The following TRAF3IP1 variants were observed in gnomAD, a reference collection of about 807,000 sequenced individuals.
TRAF3IP1 encodes the protein intraflagellar transport 54.
A neutral mutation model predicts 89.9 loss-of-function variants in TRAF3IP1; 53 were observed. That is an observed-to-expected ratio of 0.59 (90% CI 0.47 to 0.74). The LOEUF (loss-of-function observed/expected upper bound fraction) is 0.74, where lower values mean the gene tolerates loss of function less well. TRAF3IP1 is among the 30% of genes least tolerant of loss of function. The pLI is 0.00. For missense variants in TRAF3IP1, 806 were observed against 866.1 expected (o/e 0.93, Z 0.87); for synonymous variants, 311 against 322.1 (o/e 0.97, Z 0.37).
chr2:238,388,612 T>A (rs112636970), intron 15 of TRAF3IP1, among the ~76,000 whole-genome samples: 54 of 148,838 alleles, frequency 3.6e-4, no homozygotes, highest in African/African-American at 1.3e-3. Context: ...TTTTTTTTTT[T>A]TTTGAGACAG....
chr2:238,361,115 C>T (rs1221130349), intron 15 of TRAF3IP1, among the ~76,000 whole-genome samples: 3 of 150,544 alleles, frequency 2.0e-5, no homozygotes, highest in African/African-American at 4.9e-5. Context: ...GTCTGAATCT[C>T]GGCTCACTGC....
At chr2:238,338,006 G>A (rs13398327) in intron 7 of TRAF3IP1, among the ~76,000 whole-genome samples, 17,704 of 152,088 alleles carry the variant, frequency 0.12, 1,750 homozygotes, top group African/African-American at 0.27. Context: ...TAGTCCAGGG[G>A]CGTGTGTAGG....
chr2:238,344,494 C>T lies in TRAF3IP1; in HGVS notation c.1160-3C>T. The T allele has an allele frequency of 1.9e-6, 3 of 1,613,006 alleles. No homozygotes were observed. The highest frequency in any genetic ancestry group is 2.5e-6 in the Non-Finnish European group (3 of 1,179,002). The stretch of plus-strand genomic sequence containing the variant: ...TGACTAATTTTAAACTGTTTTATGT[C>T]AGGAACAAAAGAAGCTAATATTAAC... On this transcript the variant is annotated splice_region_variant and splice_polypyrimidine_tract_variant and intron_variant, in intron 8 of 16. Transcript: ENST00000373327.
intron 15 of TRAF3IP1, among the ~76,000 whole-genome samples, chr2:238,363,554 A>G (rs992821995): frequency 1.3e-5 from 2 of 152,118 alleles, no homozygotes; most frequent in African/African-American, 4.8e-5. Flanking sequence ...AATGTGGCCT[A>G]TTTGGTGGTC....
Position 238,349,173 on chromosome 2 carries a change from C to T in TRAF3IP1, c.1368-152C>T, listed in dbSNP as rs187195256. Reference sequence around the variant, plus strand: ...TTTCTGATTGGTCGGGTTACTGGGACGTTCCTCCTCTTCTGCAGAGTAGCG... The same window carrying T: ...TTTCTGATTGGTCGGGTTACTGGGATGTTCCTCCTCTTCTGCAGAGTAGCG... On this transcript the variant is annotated intron_variant, in intron 11 of 16. Coordinates refer to ENST00000373327, the MANE Select transcript of TRAF3IP1 (RefSeq NM_015650.4). 105 of 691,376 alleles carry T rather than the reference C, an allele frequency of 1.5e-4. No homozygotes were observed. The East Asian group carries it at 2.0e-3, about 13-fold the overall frequency. The allele number at this position is 691,376 out of a possible 1,614,324, so 42.8% of individuals were successfully genotyped here. A position where few individuals can be genotyped will look rare whatever the true frequency, so the allele number is the denominator to read the frequency against.
In TRAF3IP1 at chr2:238,362,310, T is replaced by A. The variant is rs536825102; in HGVS notation, c.1689+6230T>A. Among the ~76,000 whole-genome samples, 5 of 152,352 alleles carry A rather than the reference T, an allele frequency of 3.3e-5. No individual in the cohort carries two copies. The East Asian group carries it at 9.6e-4, about 29-fold the overall frequency. ...TTATATTCCATTTTTCTGTTTTTTCTTTCTTATTTTGGTAATTAATGTTTG... is the reference window on the plus strand; with the variant it reads ...TTATATTCCATTTTTCTGTTTTTTCATTCTTATTTTGGTAATTAATGTTTG... On this transcript the variant is annotated intron_variant, in intron 15 of 16. Transcript: ENST00000373327.
Position 238,399,150 on chromosome 2 carries a change from C to G in TRAF3IP1, c.*231C>G. On this transcript the variant is annotated 3_prime_UTR_variant, in exon 17 of 17. Coordinates refer to ENST00000373327, the MANE Select transcript of TRAF3IP1 (RefSeq NM_015650.4). Reference sequence around the variant, plus strand: ...TACTGGCTAGTTATAAATAGCGCTTCCAAACACCTCTGTGAAAAGTTTTTT... The same window carrying G: ...TACTGGCTAGTTATAAATAGCGCTTGCAAACACCTCTGTGAAAAGTTTTTT... 4.9e-6 allele frequency: 2 copies of G among 411,034 alleles called. No homozygotes were observed. Among genetic ancestry groups the G allele is most frequent in the East Asian group, 9.2e-5 (2 of 21,734 alleles). 25.5% of individuals were successfully genotyped at this position (411,034 alleles called of 1,614,324 possible).
rs771138515 is a variant in TRAF3IP1, at chr2:238,379,667, C to T, written c.1690-17792C>T. 1.3e-5 allele frequency among the ~76,000 whole-genome samples: 2 copies of T among 152,212 alleles called. No homozygotes were observed. The highest frequency in any genetic ancestry group is 2.9e-5 in the Non-Finnish European group (2 of 68,044). ...TTAGACGGTGGTTTCCTCCCCCGCT[C>T]ACATGCCAGCCATTCAGTTCAGTGG... On this transcript the variant is annotated intron_variant, in intron 15 of 16. Coordinates refer to ENST00000373327, the MANE Select transcript of TRAF3IP1 (RefSeq NM_015650.4). The surrounding 1 kb of genome is among the most constrained non-coding windows in gnomAD (Gnocchi z 4.0).
intron 12 of TRAF3IP1, among the ~76,000 whole-genome samples, chr2:238,352,546 C>T (rs144572041): frequency 5.9e-5 from 9 of 151,376 alleles, no homozygotes; most frequent in East Asian, 5.9e-4. Context: ...GCTGTGGGGA[C>T]GGGAGGCCAG....
intron 1 of TRAF3IP1, among the ~76,000 whole-genome samples, chr2:238,324,464 G>A (rs991293188): frequency 1.3e-5 from 2 of 152,122 alleles, no homozygotes; most frequent in African/African-American, 2.4e-5. Flanking sequence ...CTTCAGCTCA[G>A]TTCATGTCCC....
At chr2:238,390,549 A>T (rs1261193670) in intron 15 of TRAF3IP1, among the ~76,000 whole-genome samples, 2 of 152,186 alleles carry the variant, frequency 1.3e-5, no homozygotes, top group Non-Finnish European at 2.9e-5. Flanking sequence ...CATAGCCAAC[A>T]AGTTGACAGG....
chr2:238,323,030 T>C (rs1421006556), intron 1 of TRAF3IP1, among the ~76,000 whole-genome samples: 1 of 152,130 alleles, frequency 6.6e-6, no homozygotes, highest in Non-Finnish European at 1.5e-5. Context: ...TTAAGCTAAG[T>C]GTGGATACTG....
intron 12 of TRAF3IP1, among the ~76,000 whole-genome samples, chr2:238,349,680 T>G (rs1574924437): frequency 6.6e-6 from 1 of 152,318 alleles, no homozygotes; most frequent in East Asian, 1.9e-4. Flanking sequence ...GATTGAAGAC[T>G]TTCTAAGCGT....
intron 15 of TRAF3IP1, among the ~76,000 whole-genome samples, chr2:238,388,307 G>A (rs1214439936): frequency 3.4e-5 from 5 of 148,858 alleles, no homozygotes; most frequent in Admixed American, 6.8e-5. Flanking sequence ...CTGGGGAGGC[G>A]GAAGTTGCAG....
At chr2:238,329,531 G>GT (rs975068831) in intron 5 of TRAF3IP1, among the ~76,000 whole-genome samples, 189 bp downstream of exon 5, 3 of 152,106 alleles carry the variant, frequency 2.0e-5, no homozygotes, top group Non-Finnish European at 4.4e-5. Flanking sequence ...TGTGTTTTGG[G>GT]TTTTTTTGTT....
intron 14 of TRAF3IP1, among the ~76,000 whole-genome samples, chr2:238,354,810 C>G (rs976092734): frequency 1.3e-5 from 2 of 152,002 alleles, no homozygotes; most frequent in Non-Finnish European, 2.9e-5. Flanking sequence ...ACCACCACAC[C>G]CAGTTATTTT....
intron 1 of TRAF3IP1, among the ~76,000 whole-genome samples, chr2:238,324,492 C>T (rs546231918): frequency 6.6e-6 from 1 of 152,318 alleles, no homozygotes; most frequent in African/African-American, 2.4e-5. Flanking sequence ...CTTCACAGGG[C>T]CTCTGCACCA....
At chr2:238,386,570 C>T (rs182958307) in intron 15 of TRAF3IP1, among the ~76,000 whole-genome samples, 296 of 152,270 alleles carry the variant, frequency 1.9e-3, no homozygotes, top group Non-Finnish European at 3.6e-3. Flanking sequence ...ACCTGGGCCT[C>T]CTAAAGTGCT....
rs1467537477 is a variant in TRAF3IP1 at position 238,320,541 on chromosome 2, C to T, written c.-122C>T. ...GTGCACTGTGGGATGGAAACCGGAG[C>T]GGCGCGTCCTGGCAGGACCGGGCGG... On this transcript the variant is annotated 5_prime_UTR_variant, in exon 1 of 17. Coordinates refer to ENST00000373327, the MANE Select transcript of TRAF3IP1 (RefSeq NM_015650.4). 2 of 1,018,306 alleles carry T rather than the reference C, an allele frequency of 2.0e-6. No homozygotes were observed. The highest frequency in any genetic ancestry group is 2.3e-6 in the Non-Finnish European group (2 of 851,112). 63.1% of individuals were successfully genotyped at this position (1,018,306 alleles called of 1,614,324 possible). A position where few individuals can be genotyped will look rare whatever the true frequency, so the allele number is the denominator to read the frequency against.
Sources: gnomAD v4.1 joint callset for allele counts (sites outside exome capture counted in the v4.1 genomes callset) on GRCh38, gnomAD v4.1.1 for gene constraint, Gnocchi (gnomAD v3.1) non-coding constraint, MANE v1.5 for transcripts, NCBI Gene and HGNC (gene_info 2026-07-23, HGNC 2026-07-21) for gene names.